The following DCDC1 variants were observed in gnomAD, a reference collection of about 807,000 sequenced individuals.
DCDC1 encodes doublecortin domain-containing protein 1.
Under a neutral mutation model 178.3 loss-of-function variants are expected in DCDC1, and 200 were observed. The ratio of observed to expected loss-of-function variants is 1.12; its 90% CI spans 1.00 to 1.26. DCDC1 has a LOEUF of 1.26. Ranked by LOEUF, DCDC1 falls within the 50% of genes most tolerant of loss-of-function variation. DCDC1 has a pLI of 0.00. For synonymous variants in DCDC1, 690 were observed against 604.8 expected (o/e 1.14, Z -2.07); for missense variants, 1,983 against 1,749.2 (o/e 1.13, Z -2.38).
chr11:31,224,312 T>C (rs1565461982), intron 9 of DCDC1, among the ~76,000 whole-genome samples: 1 of 151,894 alleles, frequency 6.6e-6, no homozygotes, highest in Non-Finnish European at 1.5e-5. Context: ...AAGCCACATG[T>C]AGAAGAGTAA....
intron 3 of DCDC1, among the ~76,000 whole-genome samples, chr11:31,315,004 G>A (rs1382805983): frequency 6.6e-6 from 1 of 152,014 alleles, no homozygotes; most frequent in East Asian, 1.9e-4. Context: ...AATCTTTAAG[G>A]TCTAAAAATA....
intron 9 of DCDC1, among the ~76,000 whole-genome samples, chr11:31,163,373 T>A (rs1454700866): frequency 6.6e-6 from 1 of 152,168 alleles, no homozygotes; most frequent in Non-Finnish European, 1.5e-5. Context: ...TTAGCAGTCA[T>A]GAATGACCAT....
intron 3 of DCDC1, among the ~76,000 whole-genome samples, chr11:31,313,729 C>T (rs1948902151): frequency 6.6e-6 from 1 of 152,018 alleles, no homozygotes; most frequent in South Asian, 2.1e-4. Context: ...ATGTAGTCTC[C>T]GTGAACAGGT....
chr11:31,132,889 T>C (rs2135967528), intron 10 of DCDC1, among the ~76,000 whole-genome samples: 1 of 152,302 alleles, frequency 6.6e-6, no homozygotes, highest in East Asian at 1.9e-4. Context: ...ATATTGAATA[T>C]TCTGGTGAGA....
At chr11:31,150,798 C>A (rs559758178) in intron 9 of DCDC1, among the ~76,000 whole-genome samples, 1 of 152,102 alleles carries the variant, frequency 6.6e-6, no homozygotes, top group Admixed American at 6.5e-5. Context: ...TTCAAAAAAA[C>A]CCTAAAATTC....
intron 3 of DCDC1, among the ~76,000 whole-genome samples, chr11:31,325,847 T>C (rs1283885233): frequency 6.6e-6 from 1 of 152,032 alleles, no homozygotes; most frequent in Non-Finnish European, 1.5e-5. Flanking sequence ...CACAAGATGG[T>C]AGAAGAAAGG....
Position 31,136,406 on chromosome 11 carries a change from T to C in DCDC1, c.1314+1286A>G, listed in dbSNP as rs575037821. ...AGATGGCTAATCAATTTTTACAATA[T>C]AGTCTTTAATACCAGACAAGTGTGT... On this transcript the variant is annotated intron_variant, in intron 10 of 38. Coordinates refer to ENST00000684477, the MANE Select transcript of DCDC1 (RefSeq NM_001387274.1). 3.3e-5 allele frequency among the ~76,000 whole-genome samples: 5 copies of C among 152,238 alleles called. No homozygotes were observed. In the South Asian group the frequency reaches 1.0e-3, roughly 32 times the overall value.
intron 20 of DCDC1, among the ~76,000 whole-genome samples, chr11:31,037,559 G>A (rs1311536340): frequency 6.6e-6 from 1 of 151,254 alleles, no homozygotes; most frequent in East Asian, 2.0e-4. Context: ...AGCCTCCCCA[G>A]TAGCTGGGAC....
At chr11:31,029,654 T>C (rs926784308) in intron 20 of DCDC1, among the ~76,000 whole-genome samples, 2 of 152,144 alleles carry the variant, frequency 1.3e-5, no homozygotes, top group African/African-American at 4.8e-5. Context: ...GATGAGAAAA[T>C]ACTGTTCTGT....
At chr11:31,029,024 C>G (rs1487618226) in intron 20 of DCDC1, among the ~76,000 whole-genome samples, 1 of 152,002 alleles carries the variant, frequency 6.6e-6, no homozygotes, top group East Asian at 1.9e-4. Context: ...TTTACGATGA[C>G]AATGTTGAAC....
At chr11:30,884,033 A>ATGTTTTTTTTTTT (rs1942940893) in intron 36 of DCDC1, among the ~76,000 whole-genome samples, 1 of 95,784 alleles carries the variant, frequency 1.0e-5, no homozygotes, top group Non-Finnish European at 2.0e-5. Flanking sequence ...ATTCTTTCTC[A>ATGTTTTTTTTTTT]TTTTTTTTTT....
intron 2 of DCDC1, among the ~76,000 whole-genome samples, chr11:31,335,149 G>A (rs1022776836): frequency 6.6e-6 from 1 of 152,132 alleles, no homozygotes; most frequent in Non-Finnish European, 1.5e-5. Flanking sequence ...CTTGCAGGTC[G>A]ATCTCAGACT....
At chr11:31,020,603 A>T (rs560671946) in intron 20 of DCDC1, among the ~76,000 whole-genome samples, 2 of 152,230 alleles carry the variant, frequency 1.3e-5, no homozygotes, top group Non-Finnish European at 2.9e-5. Flanking sequence ...ATAATTTTTT[A>T]AAATTTTATA....
At chr11:30,987,065 G>A (rs1461962209) in intron 20 of DCDC1, among the ~76,000 whole-genome samples, 1 of 152,144 alleles carries the variant, frequency 6.6e-6, no homozygotes, top group African/African-American at 2.4e-5. Context: ...TGCCCAGGCT[G>A]GAGTGCCGTA....
chr11:31,122,965 C>T (rs1166763976), intron 11 of DCDC1, among the ~76,000 whole-genome samples: 1 of 151,992 alleles, frequency 6.6e-6, no homozygotes, highest in Admixed American at 6.6e-5. Context: ...ATAGTAAATA[C>T]TTTAGGCTTT....
intron 3 of DCDC1, among the ~76,000 whole-genome samples, chr11:31,309,247 T>C (rs1393228210): frequency 6.6e-6 from 1 of 152,082 alleles, no homozygotes; most frequent in African/African-American, 2.4e-5. Context: ...GTTGTTGTTA[T>C]CATCACATGT....
intron 20 of DCDC1, among the ~76,000 whole-genome samples, chr11:30,993,078 GA>G (rs144541028): frequency 6.6e-5 from 10 of 151,394 alleles, no homozygotes; most frequent in African/African-American, 2.2e-4. Context: ...CACTCCACAT[GA>G]AAAAAAATTA....
chr11:31,006,157 T>A (rs1214257723), intron 20 of DCDC1, among the ~76,000 whole-genome samples: 5 of 152,150 alleles, frequency 3.3e-5, no homozygotes, highest in Non-Finnish European at 7.3e-5. Context: ...TTCTCCTTGA[T>A]GTTTCTATAG....
chr11:31,268,528 T>C (rs1945330962), intron 7 of DCDC1, among the ~76,000 whole-genome samples: 2 of 152,192 alleles, frequency 1.3e-5, no homozygotes, highest in African/African-American at 4.8e-5. Context: ...TCCAGCTGCA[T>C]CCATGTGGCT....
Sources: gnomAD v4.1 joint callset for allele counts (sites outside exome capture counted in the v4.1 genomes callset) on GRCh38, gnomAD v4.1.1 for gene constraint, MANE v1.5 for transcripts, NCBI Gene and HGNC (gene_info 2026-07-23, HGNC 2026-07-21) for gene names.